RAB6A: variants seen among roughly 807,000 people sequenced by gnomAD.
RAB6A encodes RAB6A, member RAS oncogene family.
Under a neutral mutation model 32.3 loss-of-function variants are expected in RAB6A, and 8 were observed. The observed-to-expected ratio is 0.25, with a 90% CI of 0.15 to 0.45. The LOEUF (loss-of-function observed/expected upper bound fraction) is 0.45. Ranked by LOEUF, RAB6A falls within the 20% of genes least tolerant of loss-of-function variation. RAB6A has a pLI of 1.00. For synonymous variants in RAB6A, 73 were observed against 82.1 expected (o/e 0.89, Z 0.60); for missense variants, 104 against 249.4 (o/e 0.42, Z 3.93).
intron 6 of RAB6A, among the ~76,000 whole-genome samples, chr11:73,693,021 A>G (rs377003624): frequency 7.2e-5 from 11 of 152,116 alleles, no homozygotes; most frequent in African/African-American, 2.7e-4. Flanking sequence ...GAGTATCTTC[A>G]ATTAAATATA....
intron 4 of RAB6A, 57 bp from the exon 5 acceptor site, chr11:73,716,419 G>C: frequency 7.7e-7 from 1 of 1,299,790 alleles, no homozygotes; most frequent in Non-Finnish European, 1.1e-6. Context: ...CTCCCCAGGT[G>C]GTGGGCACCT....
At chr11:73,742,217 G>A (rs1946508067) in intron 1 of RAB6A, among the ~76,000 whole-genome samples, 1 of 152,164 alleles carries the variant, frequency 6.6e-6, no homozygotes, top group South Asian at 2.1e-4. Flanking sequence ...AGGAGGCAGA[G>A]GTTGCAGTGA....
chr11:73,700,861 A>C (rs1190775649), intron 6 of RAB6A, among the ~76,000 whole-genome samples: 1 of 152,180 alleles, frequency 6.6e-6, no homozygotes, highest in Non-Finnish European at 1.5e-5. Flanking sequence ...AATCAAAATA[A>C]AGAGCAAAAG....
intron 1 of RAB6A, among the ~76,000 whole-genome samples, chr11:73,744,955 C>CAA (rs1388139342): frequency 2.8e-5 from 4 of 144,218 alleles, no homozygotes; most frequent in African/African-American, 1.0e-4. Flanking sequence ...AGCCTGGTGA[C>CAA]AGAGCGAGAA....
chr11:73,692,502 C>CAAAAA (rs34201129), intron 6 of RAB6A, among the ~76,000 whole-genome samples: 4 of 56,414 alleles, frequency 7.1e-5, no homozygotes, highest in African/African-American at 2.2e-4. Context: ...GACTCTGTCT[C>CAAAAA]AAAAAAAAAA....
intron 6 of RAB6A, among the ~76,000 whole-genome samples, chr11:73,689,314 G>A (rs1945508521): frequency 6.6e-6 from 1 of 152,184 alleles, no homozygotes; most frequent in Admixed American, 6.5e-5. Context: ...CTTGTAAGGA[G>A]TGTGCAACCT....
At chr11:73,727,288 T>C (rs531847362) in intron 2 of RAB6A, among the ~76,000 whole-genome samples, 8 of 151,228 alleles carry the variant, frequency 5.3e-5, no homozygotes, top group African/African-American at 1.7e-4. Context: ...TAGCTGGGAG[T>C]GGTGGCGTGT....
At chr11:73,682,200 G>A (rs1945369600) in intron 6 of RAB6A, among the ~76,000 whole-genome samples, 1 of 152,132 alleles carries the variant, frequency 6.6e-6, no homozygotes, top group African/African-American at 2.4e-5. Context: ...ACACGAGCTT[G>A]TAATCCTAGC....
intron 6 of RAB6A, among the ~76,000 whole-genome samples, chr11:73,705,020 TAAC>T (rs1351167844): frequency 6.6e-6 from 1 of 151,192 alleles, no homozygotes; most frequent in African/African-American, 2.5e-5. Flanking sequence ...AATAAATAAA[TAAC>T]AAAAATAATA....
chr11:73,760,415 G>C (rs910303369), intron 1 of RAB6A, 151 bp downstream of exon 1: 1 of 1,074,638 alleles, frequency 9.3e-7, no homozygotes, highest in Non-Finnish European at 1.3e-6. Flanking sequence ...CGAAGAGCCA[G>C]TGGCACCGGG....
chr11:73,699,890 A>G (rs1261838987), intron 6 of RAB6A, among the ~76,000 whole-genome samples: 3 of 152,198 alleles, frequency 2.0e-5, no homozygotes, highest in Admixed American at 6.5e-5. Context: ...CCACCAATGC[A>G]TAAGGTACAT....
At chr11:73,680,665 G>C (rs149684648) in intron 6 of RAB6A, among the ~76,000 whole-genome samples, 6 of 152,092 alleles carry the variant, frequency 3.9e-5, no homozygotes, top group South Asian at 2.1e-4. Flanking sequence ...GGGGGTGTGG[G>C]GGGGAGAGTT....
intron 2 of RAB6A, chr11:73,729,732 T>C (rs936572608): frequency 1.3e-5 from 2 of 152,152 alleles, no homozygotes; most frequent in Non-Finnish European, 2.9e-5. Flanking sequence ...CACCTTTGAG[T>C]ACTCCTTTCA....
chr11:73,715,559 A>C (rs1946040016), intron 5 of RAB6A, among the ~76,000 whole-genome samples: 1 of 152,236 alleles, frequency 6.6e-6, no homozygotes, highest in African/African-American at 2.4e-5. Context: ...TATCCATCTC[A>C]TGAATAAACA....
intron 6 of RAB6A, among the ~76,000 whole-genome samples, chr11:73,687,440 T>G (rs146347825): frequency 3.1e-4 from 47 of 152,320 alleles, no homozygotes; most frequent in African/African-American, 1.1e-3. Context: ...CATCTTGGCC[T>G]CCCAAAATGC....
intron 1 of RAB6A, among the ~76,000 whole-genome samples, chr11:73,739,895 T>C (rs1946467248): frequency 6.6e-6 from 1 of 151,818 alleles, no homozygotes; most frequent in South Asian, 2.1e-4. Context: ...CCATCTCTAC[T>C]AAAAATACAA....
At chr11:73,718,056 T>C (rs1470582363) in intron 4 of RAB6A, among the ~76,000 whole-genome samples, 1 of 152,200 alleles carries the variant, frequency 6.6e-6, no homozygotes, top group African/African-American at 2.4e-5. Flanking sequence ...GAAAGTGTAA[T>C]TTGTTAGCAA....
At chr11:73,685,448 C>T (rs1480564931) in intron 6 of RAB6A, among the ~76,000 whole-genome samples, 3 of 151,390 alleles carry the variant, frequency 2.0e-5, no homozygotes, top group African/African-American at 4.8e-5. Flanking sequence ...GTGCCACACC[C>T]GGCAAATTTT....
chr11:73,692,676 CG>C (rs1460279306), intron 6 of RAB6A, among the ~76,000 whole-genome samples: 3 of 150,656 alleles, frequency 2.0e-5, no homozygotes, highest in Admixed American at 1.3e-4. Context: ...GCCTGCCGGG[CG>C]CGGTGGCTCA....
Sources: allele counts gnomAD v4.1 joint callset (sites outside exome capture counted in the v4.1 genomes callset), GRCh38; gene constraint gnomAD v4.1.1; transcripts MANE v1.5; gene names NCBI Gene and HGNC (gene_info 2026-07-23, HGNC 2026-07-21).